The following WNK1 variants were observed in gnomAD, a reference collection of about 807,000 sequenced individuals.
The protein encoded by WNK1 is serine/threonine-protein kinase WNK1.
In WNK1, 38 loss-of-function variants were observed where a neutral mutation model predicts 222.8. That is an observed-to-expected ratio of 0.17 (90% CI 0.13 to 0.22). The LOEUF (loss-of-function observed/expected upper bound fraction) is 0.22. Ranked by LOEUF, WNK1 falls within the 10% of genes least tolerant of loss-of-function variation. The pLI is 1.00. For synonymous variants in WNK1, 1,090 were observed against 1,092.9 expected (o/e 1.00, Z 0.05); for missense variants, 2,348 against 2,918.4 (o/e 0.80, Z 4.50).
intron 26 of WNK1, among the ~76,000 whole-genome samples, chr12:902,052 C>T (rs1565614570): frequency 2.0e-5 from 3 of 151,774 alleles, no homozygotes; most frequent in Non-Finnish European, 2.9e-5. Context: ...AATCCCAGCA[C>T]TTTGGGAGGC....
At chr12:785,421 G>C (rs56111888) in intron 1 of WNK1, among the ~76,000 whole-genome samples, 1 of 111,498 alleles carries the variant, frequency 9.0e-6, no homozygotes, top group Admixed American at 9.3e-5. Flanking sequence ...CCCCCTCGAA[G>C]TGGAGTCTTG....
rs765413784 is a variant in WNK1 at position 880,861 on chromosome 12, T to C, written c.2973T>C (p.Phe991=). 18 of 1,614,002 alleles carry C rather than the reference T, an allele frequency of 1.1e-5. No homozygotes were observed. The Admixed American group carries it at 3.0e-4, about 27-fold the overall frequency. Residue 991 remains phenylalanine, a synonymous_variant, in exon 12 of 28, where the codon TTT becomes TTC. Transcript: ENST00000315939. The part of the protein sequence containing the change: ...PTEVLATPGY[F]PTVVQPYVES... ...AAGTACTGGCTACACCTGGGTACTT[T>C]CCCACAGTGGTGCAGCCTTATGTGG...
intron 4 of WNK1, among the ~76,000 whole-genome samples, chr12:846,111 T>C (rs1950007018): frequency 6.6e-6 from 1 of 152,230 alleles, no homozygotes; most frequent in African/African-American, 2.4e-5. Context: ...GTTTTGTTTT[T>C]AACCTGTTTT....
At position 827,639 on chromosome 12, in the gene WNK1, G is replaced by C. The variant is rs1948461983; in HGVS notation, c.1153+377G>C. On this transcript the variant is annotated intron_variant, in intron 3 of 27. Transcript: ENST00000315939. The surrounding 1 kb of genome is among the most constrained non-coding windows in gnomAD (Gnocchi z 4.6). ...CACCCACCGGGTTCAAGCGATTCTT[G>C]TGCCTCAGCCTCCCGAGTAGCTGGG... is the stretch of plus-strand genomic sequence containing the variant. 19 of 228,058 alleles carry C rather than the reference G, an allele frequency of 8.3e-5. No homozygotes were observed. The highest frequency in any genetic ancestry group is 2.6e-4 in the South Asian group (3 of 11,608). 14.1% of individuals were successfully genotyped at this position (228,058 alleles called of 1,614,324 possible). A position where few individuals can be genotyped will look rare whatever the true frequency, so the allele number is the denominator to read the frequency against.
chr12:845,045 G>A (rs1246886957), intron 4 of WNK1, among the ~76,000 whole-genome samples: 4 of 150,548 alleles, frequency 2.7e-5, no homozygotes, highest in Admixed American at 1.3e-4. Context: ...ACAGGCGCCC[G>A]CCACTACGCC....
chr12:908,766 C>T lies in WNK1; in HGVS notation c.7123C>T (p.Pro2375Ser), dbSNP rs745500675. ...SNLQKSISNP[P>S]GSNLRTT is the part of the protein sequence containing the mutation. ...TTTGCAGAAATCCATCAGCAACCCC[C>T]CAGGCTCCAACCTGCGGACCACTTA... The change falls in exon 28 of 28, where the codon CCA becomes TCA. Residue 2375 changes from proline to serine, a missense_variant. Pro to Ser is a moderately conservative substitution (Grantham distance 74, BLOSUM62 -1). Transcript: ENST00000315939. 1.1e-5 allele frequency: 18 copies of T among 1,613,646 alleles called. No individual in the cohort carries two copies. In the East Asian group the frequency reaches 3.8e-4, roughly 34 times the overall value.
chr12:870,515 A>G (rs149422272), intron 8 of WNK1, among the ~76,000 whole-genome samples: 1 of 152,292 alleles, frequency 6.6e-6, no homozygotes, highest in East Asian at 1.9e-4. Flanking sequence ...ATACCTATAT[A>G]TAGTCCTGCA....
Position 776,453 on chromosome 12 carries a change from G to A in WNK1, c.759+22129G>A, listed in dbSNP as rs530003497. On this transcript the variant is annotated intron_variant, in intron 1 of 27. Coordinates refer to ENST00000315939, the MANE Select transcript of WNK1 (RefSeq NM_018979.4). ...GTGTGTGTGTGTGTGTGTTTCTTGAGATGGAGTCTCGCTTTATCCCCAGGC... is the reference window on the plus strand; with the variant it reads ...GTGTGTGTGTGTGTGTGTTTCTTGAAATGGAGTCTCGCTTTATCCCCAGGC... Among the ~76,000 whole-genome samples the A allele has an allele frequency of 6.2e-5, 6 of 96,082 alleles. 1 individual carries two copies. The highest frequency in any genetic ancestry group is 1.8e-4 in the African/African-American group (6 of 32,458). The allele number at this position is 96,082 out of a possible 152,430, so 63.0% of individuals were successfully genotyped here.
rs1261282362 is a variant in WNK1 at position 910,786 on chromosome 12, G to GT, written c.*1995dup. On this transcript the variant is annotated 3_prime_UTR_variant, in exon 28 of 28. Coordinates refer to ENST00000315939, the MANE Select transcript of WNK1 (RefSeq NM_018979.4). Reference sequence around the variant, plus strand: ...GGGCCCTGCTTCCCTTAGTAAGTAAGTAAGTTGGTCTACGGCCCTAAATAT... The same window carrying GT: ...GGGCCCTGCTTCCCTTAGTAAGTAAGTTAAGTTGGTCTACGGCCCTAAATAT... The GT allele has an allele frequency of 1.3e-5, 2 of 152,326 alleles. No homozygotes were observed. The highest frequency in any genetic ancestry group is 4.8e-5 in the African/African-American group (2 of 41,442). The allele number at this position is 152,326 out of a possible 1,614,324, so 9.4% of individuals were successfully genotyped here.
rs1951876969 is a variant in WNK1, at chr12:868,571, C to T, written c.2140-2694C>T. ...GAAATTTCACCCTGTCTTTGTTCCT[C>T]ATTCTGCGCCTGCTGTGTTAACTCA... is the stretch of plus-strand genomic sequence containing the variant. On this transcript the variant is annotated intron_variant, in intron 8 of 27. Coordinates refer to ENST00000315939, the MANE Select transcript of WNK1 (RefSeq NM_018979.4). 3.7e-6 allele frequency: 6 copies of T among 1,613,990 alleles called. No individual in the cohort carries two copies. The East Asian group carries it at 8.9e-5, about 24-fold the overall frequency.
intron 8 of WNK1, 139 bp from the exon 9 acceptor site, chr12:871,126 T>C: frequency 1.3e-6 from 1 of 792,812 alleles, no homozygotes; most frequent in Non-Finnish European, 2.2e-6. Context: ...CCCAGAGGCC[T>C]CTCCCATACA....
Position 908,733 on chromosome 12 carries a change from A to G in WNK1, c.7090A>G (p.Ile2364Val). The change falls in exon 28 of 28, where the codon ATC becomes GTC. Residue 2364 changes from isoleucine (I) to valine (V), a missense_variant. By Grantham distance (29) the Ile-to-Val change is conservative. This residue lies in a region of WNK1 where 76 missense variants were observed against 85.7 expected (regional missense o/e 0.89). Transcript: ENST00000315939. ...AACTGCCTCCTTGCAGAATTTCAAC[A>G]TCAGCAATTTGCAGAAATCCATCAG... is the stretch of plus-strand genomic sequence containing the variant. ...VGTASLQNFN[I>V]SNLQKSISNP... The G allele has an allele frequency of 6.2e-7, 1 of 1,613,890 alleles. No homozygotes were observed. The highest frequency in any genetic ancestry group is 8.5e-7 in the Non-Finnish European group (1 of 1,180,002).
intron 1 of WNK1, among the ~76,000 whole-genome samples, chr12:807,966 G>A (rs922700496): frequency 1.3e-5 from 2 of 151,882 alleles, no homozygotes; most frequent in Non-Finnish European, 2.9e-5. Context: ...TGATCCGCCC[G>A]CCTCGGCCTC....
chr12:860,512 T>C (rs1011700405), intron 6 of WNK1, among the ~76,000 whole-genome samples: 1 of 152,246 alleles, frequency 6.6e-6, no homozygotes, highest in African/African-American at 2.4e-5. Flanking sequence ...TTATGTTTAA[T>C]TGTTAGCTGT....
At chr12:779,020 T>G (rs1943411087) in intron 1 of WNK1, among the ~76,000 whole-genome samples, 1 of 152,134 alleles carries the variant, frequency 6.6e-6, no homozygotes, top group Non-Finnish European at 1.5e-5. Context: ...AATTAAGAAT[T>G]TTACTGCTCT....
At chr12:842,960 G>A (rs1453053030) in intron 4 of WNK1, among the ~76,000 whole-genome samples, 1 of 152,052 alleles carries the variant, frequency 6.6e-6, no homozygotes, top group Non-Finnish European at 1.5e-5. Context: ...TTTGGAGACG[G>A]AGTCTCTCGC....
chr12:800,993 G>A (rs1046919857), intron 1 of WNK1, among the ~76,000 whole-genome samples: 1 of 152,116 alleles, frequency 6.6e-6, no homozygotes, highest in Non-Finnish European at 1.5e-5. Context: ...GGTTTTTGGA[G>A]GAAAGGTATT....
chr12:906,453 G>T, intron 26 of WNK1: 1 of 985,304 alleles, frequency 1.0e-6, no homozygotes, highest in Non-Finnish European at 1.2e-6. Context: ...GCATTTTCTT[G>T]TCGCTTCTAC....
intron 1 of WNK1, among the ~76,000 whole-genome samples, chr12:777,521 G>A (rs1943250199): frequency 6.6e-6 from 1 of 152,194 alleles, no homozygotes; most frequent in Non-Finnish European, 1.5e-5. Context: ...TTTTGTCATA[G>A]AGTTAGGCAC....
Sources: allele counts gnomAD v4.1 joint callset (sites outside exome capture counted in the v4.1 genomes callset), GRCh38; gene constraint gnomAD v4.1.1; regional missense constraint gnomAD v4.1.1; non-coding constraint Gnocchi (gnomAD v3.1); transcripts MANE v1.5; gene names NCBI Gene and HGNC (gene_info 2026-07-23, HGNC 2026-07-21).